IFT140: variants seen among roughly 807,000 people sequenced by gnomAD.
IFT140 encodes intraflagellar transport 140, also known as intraflagellar transport protein 140 homolog.
In IFT140, 133 loss-of-function variants were observed where a neutral mutation model predicts 164.6. The observed-to-expected ratio is 0.81, with a 90% confidence interval of 0.70 to 0.93. IFT140 has a LOEUF of 0.93. IFT140 is among the 40% of genes least tolerant of loss of function. IFT140 has a pLI of 0.00. For synonymous variants in IFT140, 860 were observed against 817.3 expected, an observed-to-expected ratio of 1.05 and a Z score of -0.89; for missense variants, 2,045 against 1,972.3, an observed-to-expected ratio of 1.04 and a Z score of -0.70.
In IFT140 at chr16:1,523,649, C is replaced by A; in HGVS notation, c.3322G>T (p.Val1108Leu). The change falls in exon 26 of 31, where the codon GTG (valine) becomes TTG (leucine). Residue 1108 changes from valine to leucine, a missense_variant. Val to Leu is a conservative substitution (Grantham distance 32, BLOSUM62 1). Transcript: ENST00000426508. ...TCCTCTGCTATGAGCTGTAGGGCCACAAACTGCTGGGTGGCAAAGGCCAGC... is the reference window on the plus strand; with the variant it reads ...TCCTCTGCTATGAGCTGTAGGGCCAAAAACTGCTGGGTGGCAAAGGCCAGC... ...LELAFATQQF[V>L]ALQLIAEDLD... The A allele has an allele frequency of 6.2e-7, 1 of 1,613,968 alleles. No individual in the cohort carries two copies. Among genetic ancestry groups the A allele is most frequent in the Non-Finnish European group, 8.5e-7 (1 of 1,180,004 alleles).
chr16:1,575,017 C>T (rs923300514), intron 13 of IFT140, among the ~76,000 whole-genome samples: 2 of 152,196 alleles, frequency 1.3e-5, no homozygotes, highest in Non-Finnish European at 2.9e-5. Context: ...CCCACCCTTA[C>T]TCACGCCAGA....
intron 19 of IFT140, among the ~76,000 whole-genome samples, chr16:1,555,918 A>G (rs1301449563): frequency 6.6e-6 from 1 of 152,136 alleles, no homozygotes; most frequent in East Asian, 1.9e-4. Context: ...CCTGGCCAAC[A>G]TAGTGAAACC....
intron 4 of IFT140, chr16:1,602,121 T>C: frequency 1.9e-6 from 1 of 519,886 alleles, no homozygotes; most frequent in South Asian, 2.1e-5. Flanking sequence ...AGTGACAGTA[T>C]CTGGGCACGT....
At chr16:1,563,296 CT>C (rs78104539) in intron 17 of IFT140, among the ~76,000 whole-genome samples, 2,998 of 147,422 alleles carry the variant, frequency 0.02, 236 homozygotes, top group Admixed American at 0.13. Flanking sequence ...CTGCAGATAA[CT>C]TTTTTTTTTT....
intron 19 of IFT140, among the ~76,000 whole-genome samples, chr16:1,545,597 A>G (rs1243852178): frequency 2.6e-5 from 4 of 152,192 alleles, no homozygotes; most frequent in African/African-American, 9.7e-5. Flanking sequence ...AGGACAAGGA[A>G]ACGCCTGCTA....
chr16:1,550,123 A>G (rs2032512298), intron 19 of IFT140, among the ~76,000 whole-genome samples: 1 of 152,132 alleles, frequency 6.6e-6, no homozygotes. Flanking sequence ...ACTTTTTTGT[A>G]GAGGCAGGGT....
chr16:1,540,356 T>G (rs1026305342), intron 19 of IFT140, among the ~76,000 whole-genome samples: 4 of 152,244 alleles, frequency 2.6e-5, no homozygotes, highest in Non-Finnish European at 4.4e-5. Flanking sequence ...ACGTAAACAC[T>G]CACGAAGTAA....
At chr16:1,537,207 C>T (rs924581833) in intron 19 of IFT140, among the ~76,000 whole-genome samples, 8 of 151,558 alleles carry the variant, frequency 5.3e-5, no homozygotes, top group South Asian at 4.2e-4. Flanking sequence ...AACGTCACAC[C>T]GCGTGCCTCC....
intron 4 of IFT140, among the ~76,000 whole-genome samples, chr16:1,597,061 C>G (rs988363266): frequency 6.6e-6 from 1 of 152,078 alleles, no homozygotes; most frequent in South Asian, 2.1e-4. Context: ...GGGGGTGCAT[C>G]ACGGCATCAG....
intron 29 of IFT140, among the ~76,000 whole-genome samples, chr16:1,518,839 C>T (rs1215383226): frequency 6.6e-6 from 1 of 151,970 alleles, no homozygotes; most frequent in Non-Finnish European, 1.5e-5. Flanking sequence ...GCTGGGGTGA[C>T]ACCAGGGAGG....
chr16:1,602,376 C>T lies in IFT140; in HGVS notation c.363G>A (p.Gly121=), dbSNP rs1291635820. The T allele has an allele frequency of 1.9e-6, 3 of 1,614,094 alleles. 1 individual carries two copies. Among genetic ancestry groups the T allele is most frequent in the South Asian group, 2.2e-5 (2 of 91,064 alleles). The change falls in exon 4 of 31, where the codon GGG becomes GGA. Residue 121 remains glycine (G), a synonymous_variant. Coordinates refer to ENST00000426508, the MANE Select transcript of IFT140 (RefSeq NM_014714.4). The part of the protein sequence containing the change: ...WSPSGNCLLS[G]DRLGVLLLWR... ...CTTGCGCGTGTTGACTCACCCTGTC[C>T]CCAGACAGCAGGCAGTTTCCACTGG...
At position 1,553,374 on chromosome 16, in the gene IFT140, G is replaced by A; in HGVS notation, c.2399+4561C>T. 1.0e-6 allele frequency: 1 copy of A among 985,362 alleles called. No homozygotes were observed. Among genetic ancestry groups the A allele is most frequent in the Non-Finnish European group, 1.2e-6 (1 of 829,898 alleles). The allele number at this position is 985,362 out of a possible 1,614,324, so 61.0% of individuals were successfully genotyped here. On this transcript the variant is annotated intron_variant, in intron 19 of 30. Coordinates refer to ENST00000426508, the MANE Select transcript of IFT140 (RefSeq NM_014714.4). The surrounding 1 kb of genome is among the most constrained non-coding windows in gnomAD (Gnocchi z 4.4). ...CCTCTCTCGATGCTGGGGCCACACA[G>A]GGCAGGGCATGATTTGGTTTCCTGG...
At chr16:1,557,869 CAG>C in intron 19 of IFT140, 64 bp downstream of exon 19, 3 of 1,494,506 alleles carry the variant, frequency 2.0e-6, no homozygotes, top group Non-Finnish European at 2.8e-6. Context: ...AGAAGGCAAA[CAG>C]GGAGAAAGGA....
At chr16:1,598,285 C>T (rs1289610483) in intron 4 of IFT140, among the ~76,000 whole-genome samples, 1 of 152,222 alleles carries the variant, frequency 6.6e-6, no homozygotes, top group Non-Finnish European at 1.5e-5. Context: ...AGTGAAACCC[C>T]GTCTTTACTA....
intron 2 of IFT140, among the ~76,000 whole-genome samples, chr16:1,609,738 T>C (rs760706562): frequency 6.6e-6 from 1 of 152,178 alleles, no homozygotes; most frequent in Non-Finnish European, 1.5e-5. Flanking sequence ...GTTCCCAAAA[T>C]GAGTATTATC....
intron 19 of IFT140, among the ~76,000 whole-genome samples, chr16:1,540,499 T>C (rs536378205): frequency 6.6e-6 from 1 of 152,258 alleles, no homozygotes; most frequent in South Asian, 2.1e-4. Flanking sequence ...CTTGAGGATC[T>C]CCCCATCCCC....
Position 1,564,246 on chromosome 16 carries a change from TC to T in IFT140, c.1902-85del. 1 of 1,266,054 alleles carries T rather than the reference TC, an allele frequency of 7.9e-7. No homozygotes were observed. Among genetic ancestry groups the T allele is most frequent in the Non-Finnish European group, 1.1e-6 (1 of 934,508 alleles). The allele number at this position is 1,266,054 out of a possible 1,614,324, so 78.4% of individuals were successfully genotyped here. A position where few individuals can be genotyped will look rare whatever the true frequency, so the allele number is the denominator to read the frequency against. On this transcript the variant is annotated intron_variant, in intron 16 of 30. Coordinates refer to ENST00000426508, the MANE Select transcript of IFT140 (RefSeq NM_014714.4). This position sits in a 1 kb window ranked among gnomAD's most constrained non-coding sequence, Gnocchi z 5.5. ...CCCTCCCACACACATTCCCGAAGCC[TC>T]CAGGTGCTGTCCCAGACCATGGTGT... is the stretch of plus-strand genomic sequence containing the variant.
intron 26 of IFT140, among the ~76,000 whole-genome samples, chr16:1,521,209 G>A (rs1175502365): frequency 1.7e-4 from 26 of 150,396 alleles, no homozygotes; most frequent in Admixed American, 1.6e-3. Context: ...ACCTCCCCAG[G>A]GTCAGGTGAT....
chr16:1,599,339 C>T (rs1284560076), intron 4 of IFT140, among the ~76,000 whole-genome samples: 1 of 77,366 alleles, frequency 1.3e-5, no homozygotes, highest in Admixed American at 1.2e-4. Context: ...GGTCAGCCCC[C>T]GCCAGGCCAG....
Sources: gnomAD v4.1 joint callset for allele counts (sites outside exome capture counted in the v4.1 genomes callset) on GRCh38, gnomAD v4.1.1 for gene constraint, Gnocchi (gnomAD v3.1) non-coding constraint, MANE v1.5 for transcripts, NCBI Gene and HGNC (gene_info 2026-07-23, HGNC 2026-07-21) for gene names.